MTUS2: variants seen among roughly 807,000 people sequenced by gnomAD.
MTUS2 encodes microtubule associated scaffold protein 2.
In MTUS2, 40 loss-of-function variants were observed where a neutral mutation model predicts 114.1. The ratio of observed to expected loss-of-function variants is 0.35; its 90% CI spans 0.27 to 0.46. The LOEUF (loss-of-function observed/expected upper bound fraction) is 0.46, where lower values mean the gene tolerates loss of function less well. MTUS2 is among the 20% of genes least tolerant of loss of function. MTUS2 has a pLI of 1.00. For synonymous variants in MTUS2, 688 were observed against 672.0 expected (o/e 1.02, Z -0.37); for missense variants, 1,679 against 1,705.4 (o/e 0.98, Z 0.27).
intron 8 of MTUS2, among the ~76,000 whole-genome samples, chr13:29,391,575 G>A (rs1376338998): frequency 1.3e-5 from 2 of 151,962 alleles, no homozygotes; most frequent in African/African-American, 4.8e-5. Context: ...ATGCTCTTGA[G>A]AGATTTAGGG....
At chr13:29,434,028 C>CA (rs1226940863) in intron 8 of MTUS2, among the ~76,000 whole-genome samples, 1 of 152,058 alleles carries the variant, frequency 6.6e-6, no homozygotes, top group Non-Finnish European at 1.5e-5. Context: ...TCCTGATCCA[C>CA]ACGGATTTCA....
At chr13:28,837,462 T>C (rs973466279) in intron 1 of MTUS2, among the ~76,000 whole-genome samples, 54 of 152,320 alleles carry the variant, frequency 3.5e-4, no homozygotes, top group African/African-American at 1.3e-3. Context: ...TAATTACCAG[T>C]GGCCTAGGGC....
intron 5 of MTUS2, among the ~76,000 whole-genome samples, chr13:29,236,903 G>T (rs1271852167): frequency 6.6e-6 from 1 of 152,218 alleles, no homozygotes; most frequent in African/African-American, 2.4e-5. Context: ...GTGAGCAATT[G>T]TATCAATTCT....
At chr13:29,206,708 A>G (rs1474918672) in intron 5 of MTUS2, among the ~76,000 whole-genome samples, 3 of 152,176 alleles carry the variant, frequency 2.0e-5, no homozygotes, top group African/African-American at 7.2e-5. Context: ...GTTGAAGATC[A>G]GTTGACTGTA....
At chr13:28,975,872 A>C (rs1348619236) in intron 2 of MTUS2, among the ~76,000 whole-genome samples, 1 of 152,198 alleles carries the variant, frequency 6.6e-6, no homozygotes. Context: ...AAAGATGAGC[A>C]ATGCAGGATT....
intron 2 of MTUS2, among the ~76,000 whole-genome samples, chr13:28,880,334 G>A (rs1878213189): frequency 6.6e-6 from 1 of 152,152 alleles, no homozygotes; most frequent in African/African-American, 2.4e-5. Context: ...AACAAATCAA[G>A]CAAGGTCGAT....
intron 2 of MTUS2, among the ~76,000 whole-genome samples, chr13:28,930,749 A>G (rs1881571832): frequency 6.6e-6 from 1 of 152,080 alleles, no homozygotes; most frequent in Non-Finnish European, 1.5e-5. Context: ...AATTTGGAAC[A>G]TTTTTTCTTG....
At chr13:29,371,403 A>C (rs1193334546) in intron 8 of MTUS2, among the ~76,000 whole-genome samples, 1 of 152,024 alleles carries the variant, frequency 6.6e-6, no homozygotes, top group Non-Finnish European at 1.5e-5. Flanking sequence ...TTTTTAGTAG[A>C]GATGGGGTTT....
intron 2 of MTUS2, among the ~76,000 whole-genome samples, chr13:28,959,071 A>G (rs1416879108): frequency 1.3e-5 from 2 of 152,126 alleles, no homozygotes; most frequent in African/African-American, 2.4e-5. Context: ...TTCTTGCCTC[A>G]TCTGTCTCAG....
chr13:28,832,687 A>G (rs1240843211), intron 1 of MTUS2, among the ~76,000 whole-genome samples: 1 of 147,996 alleles, frequency 6.8e-6, no homozygotes, highest in African/African-American at 2.4e-5. Flanking sequence ...TTATATATTT[A>G]TATAAATATA....
chr13:28,963,209 G>A (rs1262805627), intron 2 of MTUS2, among the ~76,000 whole-genome samples: 1 of 151,978 alleles, frequency 6.6e-6, no homozygotes, highest in Non-Finnish European at 1.5e-5. Flanking sequence ...AAATTAGCCG[G>A]GCGTGGTGGT....
chr13:28,970,641 A>G (rs889499082), intron 2 of MTUS2, among the ~76,000 whole-genome samples: 3 of 152,252 alleles, frequency 2.0e-5, no homozygotes, highest in African/African-American at 4.8e-5. Flanking sequence ...CTGTGAAACA[A>G]TATCTTTTAT....
In MTUS2 at chr13:29,492,642, C is replaced by A. The variant is rs746495068; in HGVS notation, c.3506-4C>A. On this transcript the variant is annotated splice_polypyrimidine_tract_variant and splice_region_variant and intron_variant, in intron 11 of 15. Coordinates refer to ENST00000612955, the MANE Select transcript of MTUS2 (RefSeq NM_001033602.4). ...AACTTGACAATTTAATGTCTTCTTTCCAGAATTGATGTCCACTCATGAGCT... is the reference window on the plus strand; with the variant it reads ...AACTTGACAATTTAATGTCTTCTTTACAGAATTGATGTCCACTCATGAGCT... The A allele has an allele frequency of 1.2e-6, 2 of 1,611,304 alleles. No homozygotes were observed. The highest frequency in any genetic ancestry group is 4.5e-5 in the East Asian group (2 of 44,862).
chr13:29,338,842 G>A (rs1340405249), intron 7 of MTUS2, among the ~76,000 whole-genome samples: 7 of 152,204 alleles, frequency 4.6e-5, no homozygotes, highest in Admixed American at 2.6e-4. Flanking sequence ...TTCCCAGGGA[G>A]AAGGCAGAAG....
At chr13:29,371,058 T>A (rs1402488552) in intron 8 of MTUS2, among the ~76,000 whole-genome samples, 1 of 152,222 alleles carries the variant, frequency 6.6e-6, no homozygotes, top group Non-Finnish European at 1.5e-5. Flanking sequence ...TGTTCAATTA[T>A]TGCAGTTCTG....
At chr13:29,204,917 A>G (rs1895120602) in intron 5 of MTUS2, among the ~76,000 whole-genome samples, 2 of 152,160 alleles carry the variant, frequency 1.3e-5, no homozygotes, top group Admixed American at 1.3e-4. Context: ...CATGGGGTGC[A>G]GCTGCAGTGG....
intron 2 of MTUS2, among the ~76,000 whole-genome samples, chr13:28,914,158 C>A (rs975112252): frequency 6.7e-6 from 1 of 149,482 alleles, no homozygotes; most frequent in African/African-American, 2.4e-5. Flanking sequence ...CCTAGCTTTG[C>A]GGTTCTCTAG....
chr13:29,297,491 C>T (rs753895158), intron 6 of MTUS2, among the ~76,000 whole-genome samples: 11 of 152,174 alleles, frequency 7.2e-5, no homozygotes, highest in Non-Finnish European at 1.5e-4. Context: ...TAGCAGGAAT[C>T]AACCTAAGCC....
chr13:29,278,302 A>G (rs778891679), intron 5 of MTUS2, among the ~76,000 whole-genome samples: 23 of 152,222 alleles, frequency 1.5e-4, no homozygotes, highest in Admixed American at 8.5e-4. Context: ...TTAAAATGAG[A>G]AAGTTCTCAA....
Sources: allele counts gnomAD v4.1 joint callset (sites outside exome capture counted in the v4.1 genomes callset), GRCh38; gene constraint gnomAD v4.1.1; transcripts MANE v1.5; gene names NCBI Gene and HGNC (gene_info 2026-07-23, HGNC 2026-07-21).